Variants in HS3ST4 observed in about 807,000 individuals in gnomAD.
HS3ST4 encodes heparan sulfate-glucosamine 3-sulfotransferase 4, also known as heparan sulfate glucosamine 3-O-sulfotransferase 4.
A neutral mutation model predicts 29.2 loss-of-function variants in HS3ST4; 17 were observed. That is an observed-to-expected ratio of 0.58 (90% CI 0.40 to 0.87). HS3ST4 has a LOEUF of 0.87. Ranked by LOEUF, HS3ST4 falls within the 40% of genes least tolerant of loss-of-function variation. HS3ST4 has a pLI of 0.00. For synonymous variants in HS3ST4, 314 were observed against 285.7 expected (o/e 1.10, Z -1.00); for missense variants, 627 against 634.5 (o/e 0.99, Z 0.13).
chr16:25,728,710 A>G (rs1046078142), intron 1 of HS3ST4, among the ~76,000 whole-genome samples: 1 of 152,230 alleles, frequency 6.6e-6, no homozygotes, highest in African/African-American at 2.4e-5. Context: ...ATACAAACCA[A>G]CACTCCAGAA....
At chr16:26,097,196 C>A (rs1424557854) in intron 1 of HS3ST4, among the ~76,000 whole-genome samples, 1 of 152,178 alleles carries the variant, frequency 6.6e-6, no homozygotes, top group African/African-American at 2.4e-5. Flanking sequence ...CCCCATCAAG[C>A]TACCAATGAC....
intron 1 of HS3ST4, among the ~76,000 whole-genome samples, chr16:25,937,612 A>G (rs893816424): frequency 6.6e-6 from 1 of 152,112 alleles, no homozygotes; most frequent in African/African-American, 2.4e-5. Flanking sequence ...CGAGAGGTGC[A>G]GCTGGAGGGC....
At chr16:25,761,693 T>C (rs1332411614) in intron 1 of HS3ST4, among the ~76,000 whole-genome samples, 1 of 152,198 alleles carries the variant, frequency 6.6e-6, no homozygotes, top group Non-Finnish European at 1.5e-5. Context: ...CACTCATTCA[T>C]CCAACAGAGA....
At chr16:25,811,051 G>A (rs894305252) in intron 1 of HS3ST4, among the ~76,000 whole-genome samples, 1 of 152,172 alleles carries the variant, frequency 6.6e-6, no homozygotes, top group African/African-American at 2.4e-5. Context: ...GAAACGGTTG[G>A]TGGTGAGCTA....
Position 25,886,444 on chromosome 16 carries a change from C to T in HS3ST4, c.734+193293C>T, listed in dbSNP as rs552032594. 2.9e-4 allele frequency among the ~76,000 whole-genome samples: 44 copies of T among 152,272 alleles called. No homozygotes were observed. In the South Asian group the frequency reaches 8.5e-3, roughly 29 times the overall value. ...TTGTCCTGAATTTGGGGAACCACTT[C>T]GTTATCCAAATCTGCATTCCCATTT... On this transcript the variant is annotated intron_variant, in intron 1 of 1. Transcript: ENST00000331351.
intron 1 of HS3ST4, among the ~76,000 whole-genome samples, chr16:26,007,130 T>A (rs1382105386): frequency 6.6e-6 from 1 of 152,240 alleles, no homozygotes; most frequent in Non-Finnish European, 1.5e-5. Flanking sequence ...TATCGGAAGA[T>A]CTGACAAATA....
rs1898307168 is a variant in HS3ST4 at position 26,049,327 on chromosome 16, G to GACCGGAGGTCTACA, written c.735-86285_735-86284insACCGGAGGTCTACA. 2.4e-5 allele frequency among the ~76,000 whole-genome samples: 3 copies of GACCGGAGGTCTACA among 125,906 alleles called. No homozygotes were observed. In the South Asian group the frequency reaches 8.0e-4, roughly 34 times the overall value. 82.6% of individuals were successfully genotyped at this position (125,906 alleles called of 152,430 possible). On this transcript the variant is annotated intron_variant, in intron 1 of 1. Coordinates refer to ENST00000331351, the MANE Select transcript of HS3ST4 (RefSeq NM_006040.3). ...AGGAAAAAGGTGGACCTGCTGGGAA[G>GACCGGAGGTCTACA]TCCGGAGGTCTACATCCGGAGGTCT...
intron 1 of HS3ST4, among the ~76,000 whole-genome samples, chr16:25,798,989 T>G (rs1375894189): frequency 6.6e-6 from 1 of 152,216 alleles, no homozygotes; most frequent in Non-Finnish European, 1.5e-5. Flanking sequence ...AAAGACTTCC[T>G]TAATGGATCC....
At chr16:25,982,808 C>T (rs1969022022) in intron 1 of HS3ST4, among the ~76,000 whole-genome samples, 1 of 152,158 alleles carries the variant, frequency 6.6e-6, no homozygotes. Context: ...CCAGCCAGGG[C>T]CACAGAGCAA....
chr16:26,010,105 A>G (rs1969296993), intron 1 of HS3ST4, among the ~76,000 whole-genome samples: 2 of 152,214 alleles, frequency 1.3e-5, no homozygotes, highest in Non-Finnish European at 2.9e-5. Flanking sequence ...TAAGAGGTCT[A>G]TAGACTAGAA....
chr16:25,843,061 C>G (rs1967432081), intron 1 of HS3ST4, among the ~76,000 whole-genome samples: 1 of 152,196 alleles, frequency 6.6e-6, no homozygotes. Flanking sequence ...ATATTTTCTT[C>G]TTGGAAAATG....
At chr16:25,965,399 CAAA>C (rs5816338) in intron 1 of HS3ST4, among the ~76,000 whole-genome samples, 13 of 129,222 alleles carry the variant, frequency 1.0e-4, no homozygotes, top group African/African-American at 1.7e-4. Context: ...AATTTCTTGT[CAAA>C]AAAAAAAAAA....
At chr16:26,070,447 C>G (rs1898589765) in intron 1 of HS3ST4, among the ~76,000 whole-genome samples, 1 of 152,128 alleles carries the variant, frequency 6.6e-6, no homozygotes, top group Admixed American at 6.6e-5. Flanking sequence ...GGAGCATAGC[C>G]CAGATAATAT....
chr16:25,708,067 A>G (rs1329371383), intron 1 of HS3ST4, among the ~76,000 whole-genome samples: 1 of 152,170 alleles, frequency 6.6e-6, no homozygotes, highest in East Asian at 1.9e-4. Context: ...TTCTGGAGAG[A>G]GGATCTAGTC....
chr16:25,725,141 A>T (rs1466307497), intron 1 of HS3ST4, among the ~76,000 whole-genome samples: 1 of 149,244 alleles, frequency 6.7e-6, no homozygotes, highest in Admixed American at 6.7e-5. Context: ...TTTCATAGGC[A>T]CCCTTTTCCA....
intron 1 of HS3ST4, among the ~76,000 whole-genome samples, chr16:25,963,119 G>A (rs1279149850): frequency 6.6e-6 from 1 of 152,182 alleles, no homozygotes; most frequent in African/African-American, 2.4e-5. Context: ...TTGAGCAAAT[G>A]TAGAATCACT....
At chr16:25,773,842 T>C (rs1221712584) in intron 1 of HS3ST4, among the ~76,000 whole-genome samples, 1 of 152,160 alleles carries the variant, frequency 6.6e-6, no homozygotes, top group Non-Finnish European at 1.5e-5. Flanking sequence ...TATACTACTC[T>C]GTATGCCCCT....
chr16:25,813,207 T>A (rs1446693787), intron 1 of HS3ST4, among the ~76,000 whole-genome samples: 1 of 152,204 alleles, frequency 6.6e-6, no homozygotes, highest in East Asian at 1.9e-4. Flanking sequence ...ATATCATTAA[T>A]CATTGAGGAA....
chr16:25,947,831 T>C (rs1968644699), intron 1 of HS3ST4, among the ~76,000 whole-genome samples: 2 of 152,184 alleles, frequency 1.3e-5, no homozygotes, highest in Admixed American at 1.3e-4. Flanking sequence ...GCTTTGTGGC[T>C]TTGAGTCCTG....
Sources: allele counts gnomAD v4.1 joint callset (sites outside exome capture counted in the v4.1 genomes callset), GRCh38; gene constraint gnomAD v4.1.1; transcripts MANE v1.5; gene names NCBI Gene and HGNC (gene_info 2026-07-23, HGNC 2026-07-21).